The following USP48 variants were observed in gnomAD, a reference collection of about 807,000 sequenced individuals.
USP48 encodes the protein ubiquitin carboxyl-terminal hydrolase 48.
USP48 carries 43 observed loss-of-function variants against 150.7 expected under a neutral mutation model. That is an observed-to-expected ratio of 0.29 (90% CI 0.22 to 0.37). The LOEUF (loss-of-function observed/expected upper bound fraction) is 0.37. Among genes scored for constraint, USP48 ranks in the 10% least tolerant of loss-of-function variants. The pLI is 1.00. For synonymous variants in USP48, 396 were observed against 425.9 expected (o/e 0.93, Z 0.86); for missense variants, 813 against 1,249.6 (o/e 0.65, Z 5.27).
At chr1:21,714,061 T>C (rs2097697573) in intron 15 of USP48, among the ~76,000 whole-genome samples, 1 of 152,158 alleles carries the variant, frequency 6.6e-6, no homozygotes, top group South Asian at 2.1e-4. Flanking sequence ...GGGCACTTCA[T>C]ATAAAAGTGC....
chr1:21,721,290 T>C (rs1321161228), intron 13 of USP48, 124 bp from the exon 14 acceptor site: 8 of 1,345,554 alleles, frequency 5.9e-6, no homozygotes, highest in African/African-American at 1.5e-5. Flanking sequence ...GTACATGTAA[T>C]TGATTTTAAC....
chr1:21,722,820 G>GT (rs1475593810), intron 12 of USP48, among the ~76,000 whole-genome samples: 1 of 152,174 alleles, frequency 6.6e-6, no homozygotes, highest in African/African-American at 2.4e-5. Flanking sequence ...GGGCAACAGA[G>GT]TGAGACACTG....
At chr1:21,767,697 G>C (rs1236889562) in intron 1 of USP48, among the ~76,000 whole-genome samples, 1 of 149,144 alleles carries the variant, frequency 6.7e-6, no homozygotes, top group African/African-American at 2.5e-5. Context: ...CAAATAAATT[G>C]TTTTTAAAGA....
chr1:21,770,016 C>A (rs1437118404), intron 1 of USP48, among the ~76,000 whole-genome samples: 1 of 151,978 alleles, frequency 6.6e-6, no homozygotes, highest in Non-Finnish European at 1.5e-5. Context: ...AGTATATACT[C>A]ACACACTGAA....
Position 21,705,801 on chromosome 1 carries a change from C to T in USP48, c.2310G>A (p.Gly770=), listed in dbSNP as rs769377523. 4.5e-5 allele frequency: 72 copies of T among 1,611,636 alleles called. 2 individuals are homozygous for T. The South Asian group carries it at 6.6e-4, about 15-fold the overall frequency. ...PTRCSPVSSV[G]NSALLCPHGG... is the part of the protein sequence containing the mutation. ...CGTGGGGACACAAAAGAGCACTGTT[C>T]CCAACTGATGACACAGGGCTGCATC... Residue 770 remains glycine, a synonymous_variant, in exon 19 of 27, where the codon GGG becomes GGA. Transcript: ENST00000308271.
At chr1:21,752,955 C>A in intron 4 of USP48, 37 bp downstream of exon 4, 1 of 1,552,456 alleles carries the variant, frequency 6.4e-7, no homozygotes. Context: ...TTGGGTACCT[C>A]TGAATATTTA....
chr1:21,687,388 C>T (rs1571690192), intron 24 of USP48, 149 bp from the exon 25 acceptor site: 2 of 722,174 alleles, frequency 2.8e-6, no homozygotes, highest in Non-Finnish European at 4.7e-6. Context: ...CCAGCAGCGT[C>T]CAGGTTTAAC....
intron 8 of USP48, among the ~76,000 whole-genome samples, chr1:21,743,270 T>C (rs752368587): frequency 1.4e-4 from 21 of 152,150 alleles, no homozygotes; most frequent in Admixed American, 4.6e-4. Context: ...TGGGAGCACA[T>C]TGGGTCCCAG....
At chr1:21,728,091 G>T (rs970649404) in intron 11 of USP48, 1 of 985,724 alleles carries the variant, frequency 1.0e-6, no homozygotes, top group Non-Finnish European at 1.2e-6. Context: ...TCAGGGGTCA[G>T]CAGAAAGCTT....
chr1:21,696,428 A>T (rs905567840), intron 22 of USP48, among the ~76,000 whole-genome samples: 1 of 152,214 alleles, frequency 6.6e-6, no homozygotes, highest in Non-Finnish European at 1.5e-5. Flanking sequence ...ACAAGAGCGA[A>T]ACTCTGTCTC....
At chr1:21,749,603 T>C (rs889508690) in intron 6 of USP48, among the ~76,000 whole-genome samples, 3 of 152,018 alleles carry the variant, frequency 2.0e-5, no homozygotes, top group Non-Finnish European at 4.4e-5. Context: ...AAATTTTTTT[T>C]TCATTATTTT....
At chr1:21,760,559 C>A (rs7539171) in intron 1 of USP48, among the ~76,000 whole-genome samples, 24,260 of 151,472 alleles carry the variant, frequency 0.16, 2,072 homozygotes, top group Non-Finnish European at 0.2. Context: ...ACTAAAAATA[C>A]AAAAATTCGC....
intron 25 of USP48, chr1:21,685,901 G>C (rs2097579294): frequency 6.9e-6 from 1 of 145,726 alleles, no homozygotes; most frequent in South Asian, 2.1e-4. Flanking sequence ...CAGATCACAG[G>C]GGGCCAGGAG....
intron 8 of USP48, among the ~76,000 whole-genome samples, chr1:21,738,542 G>C (rs539051503): frequency 1.3e-5 from 2 of 151,504 alleles, no homozygotes; most frequent in South Asian, 4.2e-4. Flanking sequence ...ATTTTTAGTA[G>C]AGATGGGGTT....
intron 6 of USP48, among the ~76,000 whole-genome samples, chr1:21,750,871 A>G (rs541647073): frequency 6.6e-6 from 1 of 151,680 alleles, no homozygotes; most frequent in South Asian, 2.1e-4. Context: ...AACAAGAGAG[A>G]AACTCCATCT....
chr1:21,712,156 C>T (rs1022138428), intron 15 of USP48, among the ~76,000 whole-genome samples: 4 of 152,140 alleles, frequency 2.6e-5, no homozygotes, highest in East Asian at 1.9e-4. Context: ...GTCAGGAGTT[C>T]GAGACCAGTC....
chr1:21,760,423 A>G (rs28612923), intron 1 of USP48, among the ~76,000 whole-genome samples: 2 of 152,256 alleles, frequency 1.3e-5, no homozygotes, highest in Non-Finnish European at 2.9e-5. Flanking sequence ...CTGTCAAAAA[A>G]TAAAAAGGTA....
At chr1:21,691,538 G>A (rs1299635280) in intron 23 of USP48, among the ~76,000 whole-genome samples, 1 of 152,124 alleles carries the variant, frequency 6.6e-6, no homozygotes, top group Admixed American at 6.5e-5. Flanking sequence ...GGGAGGCTGA[G>A]GGAGGAGAAT....
chr1:21,711,701 T>C (rs2097690622), intron 15 of USP48, among the ~76,000 whole-genome samples: 1 of 152,158 alleles, frequency 6.6e-6, no homozygotes, highest in African/African-American at 2.4e-5. Context: ...TCCGAACTAG[T>C]GAAGCTCAGT....
Sources: allele counts gnomAD v4.1 joint callset (sites outside exome capture counted in the v4.1 genomes callset), GRCh38; gene constraint gnomAD v4.1.1; transcripts MANE v1.5; gene names NCBI Gene and HGNC (gene_info 2026-07-23, HGNC 2026-07-21).